Variants in CCSER2 observed in about 807,000 individuals in gnomAD.
CCSER2 encodes coiled-coil serine rich protein 2, also known as serine-rich coiled-coil domain-containing protein 2.
Under a neutral mutation model 92.3 loss-of-function variants are expected in CCSER2, and 46 were observed. That is an observed-to-expected ratio of 0.50 (90% confidence interval 0.39 to 0.64). The LOEUF is 0.64. Ranked by LOEUF, CCSER2 falls within the 30% of genes least tolerant of loss-of-function variation. The pLI, the probability that CCSER2 is intolerant of heterozygous loss-of-function variation, is 0.00. For synonymous variants in CCSER2, 433 were observed against 431.4 expected (o/e 1.00, Z -0.04); for missense variants, 1,244 against 1,238.9 (o/e 1.00, Z -0.06).
intron 3 of CCSER2, among the ~76,000 whole-genome samples, chr10:84,380,016 G>A (rs919813277): frequency 1.3e-5 from 2 of 152,174 alleles, no homozygotes; most frequent in East Asian, 1.9e-4. Context: ...TAGCTATAGC[G>A]TTCCTAGGAT....
chr10:84,493,598 A>G (rs186866349), intron 9 of CCSER2, among the ~76,000 whole-genome samples: 1 of 152,176 alleles, frequency 6.6e-6, no homozygotes, highest in South Asian at 2.1e-4. Context: ...TGGATTATTC[A>G]TGAGTTTTCC....
At chr10:84,451,863 A>C (rs1845314485) in intron 6 of CCSER2, among the ~76,000 whole-genome samples, 1 of 152,154 alleles carries the variant, frequency 6.6e-6, no homozygotes, top group African/African-American at 2.4e-5. Flanking sequence ...AGCGCTTATT[A>C]AAATCAGATT....
At chr10:84,417,265 C>G (rs1842933622) in intron 3 of CCSER2, among the ~76,000 whole-genome samples, 1 of 152,122 alleles carries the variant, frequency 6.6e-6, no homozygotes. Context: ...AGAAAAAGAA[C>G]AAATTGAGTC....
intron 3 of CCSER2, chr10:84,392,099 T>C: frequency 1.3e-6 from 1 of 756,848 alleles, no homozygotes; most frequent in Non-Finnish European, 2.3e-6. Flanking sequence ...TCTTGGAGAC[T>C]ATGAGGGAGC....
At chr10:84,477,739 A>G (rs1847236916) in intron 9 of CCSER2, 75 bp downstream of exon 9, 1 of 795,846 alleles carries the variant, frequency 1.3e-6, no homozygotes, top group African/African-American at 1.8e-5. Flanking sequence ...TTTTTACAGC[A>G]ATCTCTAATG....
At position 84,503,769 on chromosome 10, in the gene CCSER2, C is replaced by T. The variant is rs567243060; in HGVS notation, c.2326-9680C>T. On this transcript the variant is annotated intron_variant, in intron 9 of 9. Transcript: ENST00000372088. ...ACCTTCCATGTGCAGTGACTTAATG[C>T]GAAGGGAAAAAGTTCTTTTAAAACA... 1.7e-4 allele frequency among the ~76,000 whole-genome samples: 26 copies of T among 152,110 alleles called. No individual in the cohort carries two copies. The South Asian group carries it at 4.4e-3, about 25-fold the overall frequency.
intron 9 of CCSER2, chr10:84,499,983 A>G (rs1431215592): frequency 1.2e-6 from 2 of 1,613,862 alleles, no homozygotes; most frequent in Non-Finnish European, 1.7e-6. Context: ...TCTCACTCCT[A>G]TCCTGCTCTG....
intron 3 of CCSER2, among the ~76,000 whole-genome samples, chr10:84,379,452 G>A (rs921840219): frequency 4.0e-5 from 6 of 151,480 alleles, no homozygotes; most frequent in East Asian, 1.9e-4. Flanking sequence ...AGTTTAATTT[G>A]TTTTTTCTTT....
chr10:84,433,247 A>G (rs1843891054), intron 5 of CCSER2, among the ~76,000 whole-genome samples: 1 of 152,232 alleles, frequency 6.6e-6, no homozygotes, highest in Admixed American at 6.5e-5. Context: ...ATATCCTCAA[A>G]ATAACTTGCT....
intron 1 of CCSER2, among the ~76,000 whole-genome samples, chr10:84,340,614 A>G (rs1168092703): frequency 6.6e-6 from 1 of 150,528 alleles, no homozygotes; most frequent in South Asian, 2.1e-4. Context: ...TTTTGTCTGA[A>G]TTTTTTTCCT....
At chr10:84,494,244 A>G (rs1848325680) in intron 9 of CCSER2, among the ~76,000 whole-genome samples, 1 of 152,178 alleles carries the variant, frequency 6.6e-6, no homozygotes, top group Non-Finnish European at 1.5e-5. Flanking sequence ...TTCCGATGGC[A>G]TTTGTGAACT....
chr10:84,419,374 TAAAG>T (rs942896164), intron 4 of CCSER2, among the ~76,000 whole-genome samples: 5 of 147,980 alleles, frequency 3.4e-5, no homozygotes, highest in African/African-American at 9.9e-5. Context: ...AAAAATAAAA[TAAAG>T]AAAAACACCC....
At chr10:84,331,008 TG>T (rs1165114034) in intron 1 of CCSER2, among the ~76,000 whole-genome samples, 4 of 152,224 alleles carry the variant, frequency 2.6e-5, no homozygotes, top group Non-Finnish European at 4.4e-5. Flanking sequence ...AAATCTTAAT[TG>T]TTTTACAATT....
At chr10:84,334,859 T>A (rs1484212449) in intron 1 of CCSER2, among the ~76,000 whole-genome samples, 2 of 152,246 alleles carry the variant, frequency 1.3e-5, no homozygotes, top group African/African-American at 4.8e-5. Flanking sequence ...CCTTACCCTC[T>A]GTTCTCTGCC....
At chr10:84,360,657 C>T (rs961455565) in intron 1 of CCSER2, among the ~76,000 whole-genome samples, 1 of 152,208 alleles carries the variant, frequency 6.6e-6, no homozygotes, top group Non-Finnish European at 1.5e-5. Context: ...CAGAGTTAGT[C>T]TCTGTCCCAG....
At chr10:84,373,566 G>A (rs1438086046) in intron 2 of CCSER2, 53 bp from the exon 3 acceptor site, 3 of 1,360,776 alleles carry the variant, frequency 2.2e-6, no homozygotes, top group Non-Finnish European at 3.1e-6. Context: ...ATATTTTTAG[G>A]ACACGAGAAA....
intron 3 of CCSER2, among the ~76,000 whole-genome samples, chr10:84,401,752 A>G (rs967138263): frequency 1.3e-5 from 2 of 152,352 alleles, no homozygotes; most frequent in South Asian, 2.1e-4. Flanking sequence ...CTGCAGTCCA[A>G]TATCCCTCAT....
intron 6 of CCSER2, among the ~76,000 whole-genome samples, chr10:84,457,250 ATTATAT>A (rs1845695805): frequency 6.6e-5 from 4 of 60,234 alleles, no homozygotes; most frequent in African/African-American, 1.3e-4. Context: ...TATATTATAT[ATTATAT>A]AAAATATATT....
rs1228007104 is a variant in CCSER2 at position 84,441,881 on chromosome 10, C to G, written c.2064+3174C>G. Among the ~76,000 whole-genome samples, 3 of 150,612 alleles carry G rather than the reference C, an allele frequency of 2.0e-5. No individual in the cohort carries two copies. The Admixed American group carries it at 2.0e-4, about 10-fold the overall frequency. On this transcript the variant is annotated intron_variant, in intron 6 of 9. Coordinates refer to ENST00000372088, the MANE Select transcript of CCSER2 (RefSeq NM_001284240.2). ...ACGCCATTCTCCTGCCTCAGCCTCC[C>G]TAGTAGCTGGGACTACAGGCGCCCA...
Sources: allele counts gnomAD v4.1 joint callset (sites outside exome capture counted in the v4.1 genomes callset), GRCh38; gene constraint gnomAD v4.1.1; transcripts MANE v1.5; gene names NCBI Gene and HGNC (gene_info 2026-07-23, HGNC 2026-07-21).